The following BAZ2B variants were observed in gnomAD, a reference collection of about 807,000 sequenced individuals.
BAZ2B encodes the protein bromodomain adjacent to zinc finger domain 2B, also known as bromodomain adjacent to zinc finger domain protein 2B.
BAZ2B carries 91 observed loss-of-function variants against 246.0 expected under a neutral mutation model. That is an observed-to-expected ratio of 0.37 (90% CI 0.31 to 0.44). BAZ2B has a LOEUF of 0.44. Ranked by LOEUF, BAZ2B falls within the 20% of genes least tolerant of loss-of-function variation. The pLI is 1.00. For missense variants in BAZ2B, 2,332 were observed against 2,533.7 expected, an observed-to-expected ratio of 0.92 and a Z score of 1.71; for synonymous variants, 855 against 860.0, an observed-to-expected ratio of 0.99 and a Z score of 0.10.
chr2:159,471,680 T>G (rs955618127), intron 3 of BAZ2B, among the ~76,000 whole-genome samples: 1 of 152,018 alleles, frequency 6.6e-6, no homozygotes, highest in Non-Finnish European at 1.5e-5. Flanking sequence ...ATGAACATGA[T>G]CCAGTAGATA....
intron 2 of BAZ2B, among the ~76,000 whole-genome samples, chr2:159,520,402 T>C (rs1457691817): frequency 6.6e-6 from 1 of 152,130 alleles, no homozygotes; most frequent in African/African-American, 2.4e-5. Flanking sequence ...CAGACTCTAC[T>C]TGAAGGGCCC....
chr2:159,404,244 T>G (rs1424112973), intron 16 of BAZ2B: 3 of 152,194 alleles, frequency 2.0e-5, no homozygotes, highest in African/African-American at 7.2e-5. Flanking sequence ...CCTTCTCACT[T>G]AATTTTTACC....
intron 1 of BAZ2B, among the ~76,000 whole-genome samples, chr2:159,580,363 G>A (rs1686444698): frequency 6.6e-6 from 1 of 152,160 alleles, no homozygotes; most frequent in Non-Finnish European, 1.5e-5. Flanking sequence ...TACAAGGGAT[G>A]TGAAGGACCT....
At chr2:159,522,334 C>G (rs1280035369) in intron 2 of BAZ2B, among the ~76,000 whole-genome samples, 1 of 152,060 alleles carries the variant, frequency 6.6e-6, no homozygotes, top group Non-Finnish European at 1.5e-5. Flanking sequence ...TATCCATTTA[C>G]ACAAATTAGG....
chr2:159,554,015 T>G (rs1390169550), intron 2 of BAZ2B, among the ~76,000 whole-genome samples: 1 of 152,128 alleles, frequency 6.6e-6, no homozygotes, highest in Admixed American at 6.6e-5. Context: ...TACCCTCTTT[T>G]CTTAACTCAA....
chr2:159,343,377 A>T (rs1395783822), intron 31 of BAZ2B, among the ~76,000 whole-genome samples: 1 of 152,230 alleles, frequency 6.6e-6, no homozygotes, highest in Non-Finnish European at 1.5e-5. Flanking sequence ...CACAGGTAAC[A>T]GAAGCAAAAA....
intron 3 of BAZ2B, chr2:159,463,288 A>T (rs1185273514): frequency 1.4e-5 from 5 of 352,846 alleles, no homozygotes; most frequent in Non-Finnish European, 2.8e-5. Context: ...ATATTTTGAC[A>T]CTTAAAAAAG....
chr2:159,345,345 GA>G (rs60604464), intron 31 of BAZ2B, among the ~76,000 whole-genome samples: 144,740 of 152,176 alleles, frequency 0.95, 69,287 homozygotes, highest in East Asian at 1. Flanking sequence ...ATTCTTAACA[GA>G]AAAAAAATGG....
In BAZ2B at chr2:159,616,504, TTG is replaced by T. The variant is rs1179768998; in HGVS notation, c.-310_-309del. The T allele has an allele frequency of 6.6e-6, 1 of 152,222 alleles. No homozygotes were observed. The allele number at this position is 152,222 out of a possible 1,614,324, so 9.4% of individuals were successfully genotyped here. A position where few individuals can be genotyped will look rare whatever the true frequency, so the allele number is the denominator to read the frequency against. On this transcript the variant is annotated 5_prime_UTR_variant, in exon 1 of 37. An upstream open reading frame in the 5' UTR gains an earlier in-frame stop. Coordinates refer to ENST00000392783, the MANE Select transcript of BAZ2B (RefSeq NM_013450.4). ...AGCAGGAGATGATTCTTCTCAAGGTTTGTTCAGCAGCTTCACTTCTAGGCGAA... is the reference window on the plus strand; with the variant it reads ...AGCAGGAGATGATTCTTCTCAAGGTTTTCAGCAGCTTCACTTCTAGGCGAA...
chr2:159,699,864 C>T, the BAZ2B span, among the ~76,000 whole-genome samples: 2 of 152,362 alleles, frequency 1.3e-5, no homozygotes, highest in Admixed American at 6.5e-5. Context: ...GGAACTCCAA[C>T]ATCAAGATGC....
chr2:159,642,924 T>C, the BAZ2B span, among the ~76,000 whole-genome samples: 3 of 152,342 alleles, frequency 2.0e-5, no homozygotes, highest in South Asian at 6.2e-4. Context: ...ACTTTTTTGC[T>C]GTATCACTTT....
intron 20 of BAZ2B, among the ~76,000 whole-genome samples, chr2:159,393,404 T>C (rs2149637718): frequency 6.6e-6 from 1 of 152,318 alleles, no homozygotes; most frequent in East Asian, 1.9e-4. Flanking sequence ...TATGTACATA[T>C]GCACTTATTG....
chr2:159,561,660 C>G (rs1863219), intron 1 of BAZ2B, among the ~76,000 whole-genome samples: 72,001 of 151,948 alleles, frequency 0.47, 17,551 homozygotes, highest in Middle Eastern at 0.64. Context: ...ATATCAGATG[C>G]TACTACTATG....
the BAZ2B span, among the ~76,000 whole-genome samples, chr2:159,679,089 G>A: frequency 3.9e-5 from 6 of 152,062 alleles, no homozygotes; most frequent in East Asian, 5.8e-4. Context: ...TGGCTAACAC[G>A]GTGAAACCCA....
Position 159,443,992 on chromosome 2 carries a change from G to T in BAZ2B, c.696+2790C>A, listed in dbSNP as rs2073874681. The stretch of plus-strand genomic sequence containing the variant: ...TCTTAAGAGGTAGGATAGCATAAGG[G>T]TTAAAAGCATGGGCATTTAACTTTT... On this transcript the variant is annotated intron_variant, in intron 6 of 36. Coordinates refer to ENST00000392783, the MANE Select transcript of BAZ2B (RefSeq NM_013450.4). The T allele has an allele frequency of 2.6e-5, 4 of 152,042 alleles. No individual in the cohort carries two copies. The South Asian group carries it at 8.3e-4, about 32-fold the overall frequency. 9.4% of individuals were successfully genotyped at this position (152,042 alleles called of 1,614,324 possible). A position where few individuals can be genotyped will look rare whatever the true frequency, so the allele number is the denominator to read the frequency against.
the BAZ2B span, among the ~76,000 whole-genome samples, chr2:159,647,494 T>G: frequency 6.6e-6 from 1 of 152,204 alleles, no homozygotes; most frequent in Non-Finnish European, 1.5e-5. Flanking sequence ...CTGATTCAAA[T>G]GTACATTTCA....
At chr2:159,711,655 A>T in the BAZ2B span, among the ~76,000 whole-genome samples, 1 of 152,210 alleles carries the variant, frequency 6.6e-6, no homozygotes, top group African/African-American at 2.4e-5. Context: ...AAATCAACAT[A>T]TCATCTAAAT....
chr2:159,389,597 C>A (rs937994545), intron 20 of BAZ2B, 112 bp from the exon 21 acceptor site: 20 of 946,434 alleles, frequency 2.1e-5, no homozygotes, highest in Non-Finnish European at 2.5e-5. Context: ...ATCTTACTCT[C>A]TAATTTTCAA....
At chr2:159,573,657 A>G (rs191065270) in intron 1 of BAZ2B, among the ~76,000 whole-genome samples, 88 of 152,300 alleles carry the variant, frequency 5.8e-4, no homozygotes, top group Middle Eastern at 3.4e-3. Flanking sequence ...GGAAAAATAG[A>G]TAACGTGGAC....
Sources: gnomAD v4.1 joint callset for allele counts (sites outside exome capture counted in the v4.1 genomes callset) on GRCh38, gnomAD v4.1.1 for gene constraint, MANE v1.5 for transcripts, NCBI Gene and HGNC (gene_info 2026-07-23, HGNC 2026-07-21) for gene names.